The following MIER2 variants were observed in gnomAD, a reference collection of about 807,000 sequenced individuals.
The protein encoded by MIER2 is MIER family member 2.
MIER2 carries 30 observed loss-of-function variants against 67.6 expected under a neutral mutation model. The ratio of observed to expected loss-of-function variants is 0.44; its 90% CI spans 0.33 to 0.60. The LOEUF is 0.60. Ranked by LOEUF, MIER2 falls within the 20% of genes least tolerant of loss-of-function variation. The probability of loss-of-function intolerance (pLI) is 0.02; values close to 1 mark genes in which losing one functional copy is unlikely to be tolerated. For missense variants in MIER2, 702 were observed against 745.1 expected (o/e 0.94, Z 0.67); for synonymous variants, 372 against 312.6 (o/e 1.19, Z -2.00).
In MIER2 at chr19:308,608, C is replaced by T. The variant is rs761706702; in HGVS notation, c.1167G>A (p.Pro389=). 1.2e-5 allele frequency: 19 copies of T among 1,606,610 alleles called. No individual in the cohort carries two copies. The highest frequency in any genetic ancestry group is 6.7e-5 in the African/African-American group (5 of 74,854). Reference sequence around the variant, plus strand: ...GCATCCCAGTCAGGGTGTCTTGCTCCGGGCGCGGACGGCCGGGGCCATCGG... The same window carrying T: ...GCATCCCAGTCAGGGTGTCTTGCTCTGGGCGCGGACGGCCGGGGCCATCGG... ...SDPDGPGRPR[P]EQDTLTGMRT... Residue 389 remains proline, a synonymous_variant, in exon 12 of 14, where the codon CCG becomes CCA. Transcript: ENST00000264819. This position sits in a 1 kb window ranked among gnomAD's most constrained non-coding sequence, Gnocchi z 9.1.
intron 8 of MIER2, 96 bp downstream of exon 8, chr19:313,384 CCTGCCCTCCCCT>C (rs1310320218): frequency 1.1e-5 from 16 of 1,514,068 alleles, no homozygotes; most frequent in Admixed American, 2.0e-5. Flanking sequence ...ACACCTGACC[CCTGCCCTCCCCT>C]CTGCCCTCCC....
At chr19:337,316 AAAAC>A (rs1400218868) in intron 1 of MIER2, among the ~76,000 whole-genome samples, 3 of 152,234 alleles carry the variant, frequency 2.0e-5, no homozygotes, top group Non-Finnish European at 2.9e-5. Context: ...ATAAAATAAA[AAAAC>A]AAAACACAGG....
chr19:336,049 C>A (rs761323696), intron 2 of MIER2, 34 bp downstream of exon 2: 26 of 1,599,106 alleles, frequency 1.6e-5, no homozygotes, highest in South Asian at 2.2e-5. Flanking sequence ...AAGGCCTTGG[C>A]GGACCTGAGC....
intron 3 of MIER2, among the ~76,000 whole-genome samples, chr19:332,462 C>T (rs1331652644): frequency 6.6e-6 from 1 of 151,784 alleles, no homozygotes; most frequent in African/African-American, 2.4e-5. Flanking sequence ...CTACCACGCC[C>T]GGCTAATTTT....
At position 308,917 on chromosome 19, in the gene MIER2, T is replaced by C; in HGVS notation, c.993A>G (p.Thr331=). 1 of 1,602,310 alleles carries C rather than the reference T, an allele frequency of 6.2e-7. No homozygotes were observed. Among genetic ancestry groups the C allele is most frequent in the Non-Finnish European group, 8.5e-7 (1 of 1,171,126 alleles). ...ACTCGACACACTCGCCCACTGACCGTGTGCGCACCTGCGGGGAGGGGTCAG... is the reference window on the plus strand; with the variant it reads ...ACTCGACACACTCGCCCACTGACCGCGTGCGCACCTGCGGGGAGGGGTCAG... ...FHLIQANKVR[T]RSVGECVEYY... Residue 331 remains threonine (T), a synonymous_variant, in exon 11 of 14, where the codon ACA becomes ACG. Coordinates refer to ENST00000264819, the MANE Select transcript of MIER2 (RefSeq NM_017550.3). The surrounding 1 kb of genome is among the most constrained non-coding windows in gnomAD (Gnocchi z 9.1).
intron 2 of MIER2, 114 bp downstream of exon 2, chr19:335,969 A>G: frequency 1.0e-6 from 1 of 1,000,972 alleles, no homozygotes; most frequent in South Asian, 1.5e-5. Context: ...GACACCCTGG[A>G]CTCTGGAAGC....
Position 320,489 on chromosome 19 carries a change from T to C in MIER2, c.655+5146A>G, listed in dbSNP as rs536447850. Reference sequence around the variant, plus strand: ...TAAATAAAATTTAAATTTTAAAAAATGTGTCATTGCAGGGGTTCCCAACCC... The same window carrying C: ...TAAATAAAATTTAAATTTTAAAAAACGTGTCATTGCAGGGGTTCCCAACCC... On this transcript the variant is annotated intron_variant, in intron 7 of 13. Coordinates refer to ENST00000264819, the MANE Select transcript of MIER2 (RefSeq NM_017550.3). Among the ~76,000 whole-genome samples, 11 of 152,306 alleles carry C rather than the reference T, an allele frequency of 7.2e-5. No homozygotes were observed. The South Asian group carries it at 1.9e-3, about 26-fold the overall frequency.
chr19:307,948 C>A (rs1455724165), intron 12 of MIER2, among the ~76,000 whole-genome samples: 1 of 131,792 alleles, frequency 7.6e-6, no homozygotes, highest in African/African-American at 3.2e-5. Flanking sequence ...GGGGCCTCAC[C>A]ACAATTCTAG....
At chr19:321,514 G>A (rs555756830) in intron 7 of MIER2, among the ~76,000 whole-genome samples, 86 of 152,078 alleles carry the variant, frequency 5.7e-4, no homozygotes, top group Non-Finnish European at 1.0e-3. Flanking sequence ...GCGTGGTGGC[G>A]GGTGCCTGTA....
chr19:316,352 G>A lies in MIER2; in HGVS notation c.656-2709C>T, dbSNP rs570470270. On this transcript the variant is annotated intron_variant, in intron 7 of 13. Coordinates refer to ENST00000264819, the MANE Select transcript of MIER2 (RefSeq NM_017550.3). ...CTGTCCCCCAGGCTGGAGTGCAGTG[G>A]TGCGATCTTGGCTCACTGCAACCTC... Among the ~76,000 whole-genome samples, 7 of 152,098 alleles carry A rather than the reference G, an allele frequency of 4.6e-5. No homozygotes were observed. The East Asian group carries it at 1.2e-3, about 25-fold the overall frequency.
Position 307,323 on chromosome 19 carries a change from G to A in MIER2, c.1412C>T (p.Ala471Val). ...CTCCTTGGGCAGGGCGAAGTCCACG[G>A]CCAGCCTTGGGCTGGCGTCTGGCTC... ...APEPDASPRLAVDFALPKELP... is the reference protein window; with the variant it reads ...APEPDASPRLVVDFALPKELP... The change falls in exon 13 of 14, where the codon GCC (alanine) becomes GTC (valine). Residue 471 changes from alanine (A) to valine (V), a missense_variant. Ala to Val is a moderately conservative substitution (Grantham distance 64). Around this residue, in one of 3 missense-constraint regions of MIER2, gnomAD observed 254 missense variants for 262.8 expected, o/e 0.97. Coordinates refer to ENST00000264819, the MANE Select transcript of MIER2 (RefSeq NM_017550.3). The A allele has an allele frequency of 1.2e-6, 2 of 1,601,702 alleles. No individual in the cohort carries two copies. The highest frequency in any genetic ancestry group is 1.7e-6 in the Non-Finnish European group (2 of 1,174,920).
At position 306,498 on chromosome 19, in the gene MIER2, T is replaced by G. The variant is rs1380112751; in HGVS notation, c.*192A>C. 2.1e-5 allele frequency: 16 copies of G among 754,640 alleles called. No individual in the cohort carries two copies. In the Admixed American group the frequency reaches 4.3e-4, roughly 20 times the overall value. 46.7% of individuals were successfully genotyped at this position (754,640 alleles called of 1,614,324 possible). On this transcript the variant is annotated 3_prime_UTR_variant, in exon 14 of 14. Coordinates refer to ENST00000264819, the MANE Select transcript of MIER2 (RefSeq NM_017550.3). ...TGACGGCGCTGGGTGGGGCCGTGGG[T>G]CCATTCTGTGTGGACAGGGGCAAGG...
chr19:328,954 G>A (rs557416852), intron 3 of MIER2, among the ~76,000 whole-genome samples: 1 of 152,288 alleles, frequency 6.6e-6, no homozygotes, highest in South Asian at 2.1e-4. Flanking sequence ...GTAATTCCTG[G>A]GAAGGAAGAG....
At chr19:328,515 C>T (rs1478640641) in intron 3 of MIER2, among the ~76,000 whole-genome samples, 1 of 151,822 alleles carries the variant, frequency 6.6e-6, no homozygotes, top group African/African-American at 2.4e-5. Context: ...TGGAAGGCTA[C>T]AGCAGGCAGA....
Position 306,384 on chromosome 19 carries a change from TC to T in MIER2, c.*305del. 1.9e-6 allele frequency: 1 copy of T among 535,230 alleles called. No individual in the cohort carries two copies. The highest frequency in any genetic ancestry group is 3.3e-6 in the Non-Finnish European group (1 of 298,646). The allele number at this position is 535,230 out of a possible 1,614,324, so 33.2% of individuals were successfully genotyped here. On this transcript the variant is annotated 3_prime_UTR_variant, in exon 14 of 14. Coordinates refer to ENST00000264819, the MANE Select transcript of MIER2 (RefSeq NM_017550.3). The stretch of plus-strand genomic sequence containing the variant: ...ACTAGGTGGCCGGCTCTGCCCTGCG[TC>T]CCAACGGCGGGGTCTCTTCTGTCCC...
Position 306,340 on chromosome 19 carries a change from C to T in MIER2, c.*350G>A, listed in dbSNP as rs778174164. ...GCCGGGGCAGTGACGCCTTCCCTCG[C>T]CTCTGCTGGCTGGAAGGGACTAGGT... On this transcript the variant is annotated 3_prime_UTR_variant, in exon 14 of 14. Transcript: ENST00000264819. 1.5e-4 allele frequency: 57 copies of T among 371,008 alleles called. No homozygotes were observed. Among genetic ancestry groups the T allele is most frequent in the Non-Finnish European group, 2.2e-4 (44 of 204,234 alleles). The allele number at this position is 371,008 out of a possible 1,614,324, so 23.0% of individuals were successfully genotyped here. A position where few individuals can be genotyped will look rare whatever the true frequency, so the allele number is the denominator to read the frequency against.
At chr19:337,870 C>CA (rs34553732) in intron 1 of MIER2, among the ~76,000 whole-genome samples, 22,184 of 37,202 alleles carry the variant, frequency 0.6, 7,133 homozygotes, top group South Asian at 0.69. Context: ...CTCCATCTCA[C>CA]AAAAAAAAAA....
chr19:322,956 C>T (rs1334471929), intron 7 of MIER2, among the ~76,000 whole-genome samples: 1 of 151,698 alleles, frequency 6.6e-6, no homozygotes, highest in Non-Finnish European at 1.5e-5. Context: ...AAACCAAGGA[C>T]CACAATGGAA....
intron 2 of MIER2, among the ~76,000 whole-genome samples, chr19:335,188 ATAGC>A (rs1407714693): frequency 1.1e-4 from 16 of 150,388 alleles, no homozygotes; most frequent in African/African-American, 4.0e-4. Flanking sequence ...AACAAAGGAA[ATAGC>A]TAGGGCTCAA....
Sources: allele counts gnomAD v4.1 joint callset (sites outside exome capture counted in the v4.1 genomes callset), GRCh38; gene constraint gnomAD v4.1.1; regional missense constraint gnomAD v4.1.1; non-coding constraint Gnocchi (gnomAD v3.1); transcripts MANE v1.5; gene names NCBI Gene and HGNC (gene_info 2026-07-23, HGNC 2026-07-21).